The following PIK3C2A variants were observed in gnomAD, a reference collection of about 807,000 sequenced individuals.
The protein encoded by PIK3C2A is phosphatidylinositol-4-phosphate 3-kinase catalytic subunit type 2 alpha.
Under a neutral mutation model 204.5 loss-of-function variants are expected in PIK3C2A, and 97 were observed. The ratio of observed to expected loss-of-function variants is 0.47; its 90% CI spans 0.40 to 0.56. PIK3C2A has a LOEUF of 0.56. PIK3C2A is among the 20% of genes least tolerant of loss of function. The pLI is 0.00. For synonymous variants in PIK3C2A, 653 were observed against 664.4 expected, an observed-to-expected ratio of 0.98 and a Z score of 0.26; for missense variants, 1,735 against 1,969.2, an observed-to-expected ratio of 0.88 and a Z score of 2.25.
intron 2 of PIK3C2A, among the ~76,000 whole-genome samples, chr11:17,161,617 C>CA (rs1371718801): frequency 1.3e-5 from 2 of 151,818 alleles, no homozygotes; most frequent in Admixed American, 6.6e-5. Context: ...GTTTTGGTCA[C>CA]AAAAAATTGG....
intron 9 of PIK3C2A, among the ~76,000 whole-genome samples, chr11:17,135,536 C>G (rs1471020998): frequency 6.6e-6 from 1 of 151,978 alleles, no homozygotes; most frequent in Non-Finnish European, 1.5e-5. Flanking sequence ...GTTGGTGACT[C>G]AAAAAAGTGC....
At chr11:17,177,606 TA>T (rs1194337556) in intron 1 of PIK3C2A, among the ~76,000 whole-genome samples, 2 of 152,122 alleles carry the variant, frequency 1.3e-5, no homozygotes, top group Admixed American at 1.3e-4. Context: ...CCATCTCTGT[TA>T]AAAGGAAAAA....
intron 12 of PIK3C2A, among the ~76,000 whole-genome samples, chr11:17,131,623 G>T (rs1038998983): frequency 2.0e-5 from 3 of 151,888 alleles, no homozygotes; most frequent in East Asian, 1.9e-4. Context: ...GGGTTTCACC[G>T]TGTTAACCAG....
intron 19 of PIK3C2A, among the ~76,000 whole-genome samples, chr11:17,116,609 A>G (rs1410768893): frequency 6.7e-6 from 1 of 149,708 alleles, no homozygotes; most frequent in Non-Finnish European, 1.5e-5. Flanking sequence ...TTTTTTTTTG[A>G]GACAGAGTCT....
intron 1 of PIK3C2A, among the ~76,000 whole-genome samples, chr11:17,197,542 CATG>C (rs1255255333): frequency 2.0e-5 from 3 of 152,088 alleles, no homozygotes; most frequent in African/African-American, 7.2e-5. Context: ...GGTATCTAAC[CATG>C]ATAATTTTCT....
At chr11:17,170,749 CTAATCAATA>C (rs1267132765) in intron 1 of PIK3C2A, among the ~76,000 whole-genome samples, 1 of 152,110 alleles carries the variant, frequency 6.6e-6, no homozygotes, top group Non-Finnish European at 1.5e-5. Context: ...TTTCCTGCTT[CTAATCAATA>C]TGATAAAAGG....
chr11:17,120,849 A>G (rs1849346095), intron 15 of PIK3C2A, among the ~76,000 whole-genome samples: 1 of 152,038 alleles, frequency 6.6e-6, no homozygotes, highest in African/African-American at 2.4e-5. Flanking sequence ...TCGCTCTGTC[A>G]CCCAGGCTGG....
chr11:17,133,526 T>C (rs1590945636), intron 11 of PIK3C2A, among the ~76,000 whole-genome samples: 1 of 152,124 alleles, frequency 6.6e-6, no homozygotes, highest in East Asian at 1.9e-4. Flanking sequence ...AAGCAAAACT[T>C]AGGTTTGATA....
chr11:17,159,186 T>C (rs1850699375), intron 2 of PIK3C2A, among the ~76,000 whole-genome samples: 1 of 152,252 alleles, frequency 6.6e-6, no homozygotes, highest in African/African-American at 2.4e-5. Flanking sequence ...CACTCAAGAC[T>C]TTCTATTTTG....
intron 8 of PIK3C2A, chr11:17,138,073 C>A: frequency 1.5e-6 from 1 of 685,624 alleles, no homozygotes; most frequent in Non-Finnish European, 2.7e-6. Flanking sequence ...GTCACTAACA[C>A]ATTTAGCACA....
chr11:17,147,521 C>T lies in PIK3C2A; in HGVS notation c.1556G>A (p.Arg519Gln), dbSNP rs760823679. ...TFSAMCQNLARTAEDDETPVD... is the reference protein window; with the variant it reads ...TFSAMCQNLAQTAEDDETPVD... ...AGTTATGAGGTACACACTTACTGTT[C>T]GGGCCAGATTTTGACACATTGCACT... is the stretch of plus-strand genomic sequence containing the variant. Residue 519 changes from arginine to glutamine, a missense_variant, in exon 6 of 33, where the codon CGA (arginine) becomes CAA (glutamine). Physicochemically the swap from Arg to Gln is conservative, Grantham distance 43 (BLOSUM62 1). Around this residue, in one of 6 missense-constraint regions of PIK3C2A, gnomAD observed 106 missense variants for 108.2 expected, o/e 0.98. Transcript: ENST00000691414. The T allele has an allele frequency of 6.4e-6, 10 of 1,567,730 alleles. No homozygotes were observed. The highest frequency in any genetic ancestry group is 2.7e-5 in the African/African-American group (2 of 74,034).
intron 1 of PIK3C2A, among the ~76,000 whole-genome samples, chr11:17,177,191 A>G (rs1851366841): frequency 6.6e-6 from 1 of 152,158 alleles, no homozygotes; most frequent in Non-Finnish European, 1.5e-5. Flanking sequence ...TCATAAGGTT[A>G]TTTTATTTTA....
chr11:17,099,918 C>G lies in PIK3C2A; in HGVS notation c.4060G>C (p.Val1354Leu). The G allele has an allele frequency of 3.8e-6, 6 of 1,599,794 alleles. No individual in the cohort carries two copies. Among genetic ancestry groups the G allele is most frequent in the Non-Finnish European group, 5.1e-6 (6 of 1,167,354 alleles). The change falls in exon 26 of 33, where the codon GTT becomes CTT. Residue 1354 changes from valine to leucine, a missense_variant. By Grantham distance (32) the Val-to-Leu change is conservative (BLOSUM62 1). Around this residue, in one of 6 missense-constraint regions of PIK3C2A, gnomAD observed 503 missense variants for 669.0 expected, o/e 0.75. Coordinates refer to ENST00000691414, the MANE Select transcript of PIK3C2A (RefSeq NM_002645.4). Reference protein sequence around the residue: ...ELTSIQDLKYVRDALQPQTTD... With the variant: ...ELTSIQDLKYLRDALQPQTTD... ...GTTTGGGGTTGAAGTGCATCTCTAA[C>G]GTATTTCAAATCTTGAATACTTGTA...
chr11:17,138,342 A>G (rs1264134576), intron 8 of PIK3C2A: 1 of 426,864 alleles, frequency 2.3e-6, no homozygotes, highest in Non-Finnish European at 4.3e-6. Context: ...TTTTTTTTTT[A>G]ATTCAGTGTG....
chr11:17,134,348 G>A (rs889526473), intron 11 of PIK3C2A, among the ~76,000 whole-genome samples: 1 of 151,768 alleles, frequency 6.6e-6, no homozygotes, highest in Admixed American at 6.6e-5. Context: ...GGGACTACAG[G>A]TGCACACCAC....
intron 22 of PIK3C2A, among the ~76,000 whole-genome samples, chr11:17,109,779 T>C (rs1162769170): frequency 6.6e-6 from 1 of 152,046 alleles, no homozygotes; most frequent in African/African-American, 2.4e-5. Context: ...CAAGTGATCC[T>C]CCTGCCTTGG....
intron 11 of PIK3C2A, among the ~76,000 whole-genome samples, chr11:17,132,631 T>A (rs1391147736): frequency 7.0e-6 from 1 of 142,956 alleles, no homozygotes; most frequent in Non-Finnish European, 1.5e-5. Context: ...GCCCGGCCAA[T>A]TTACTTTAAT....
chr11:17,196,545 A>AC (rs1231740475), intron 1 of PIK3C2A, among the ~76,000 whole-genome samples: 1 of 152,086 alleles, frequency 6.6e-6, no homozygotes, highest in Non-Finnish European at 1.5e-5. Flanking sequence ...TGTGAGAGAG[A>AC]ATGATTTAGT....
intron 22 of PIK3C2A, among the ~76,000 whole-genome samples, chr11:17,108,335 G>A (rs779339747): frequency 1.3e-5 from 2 of 152,188 alleles, no homozygotes; most frequent in Non-Finnish European, 1.5e-5. Context: ...TGGACACAGC[G>A]GTGCATGCCT....
Sources: gnomAD v4.1 joint callset for allele counts (sites outside exome capture counted in the v4.1 genomes callset) on GRCh38, gnomAD v4.1.1 for gene constraint, gnomAD v4.1.1 regional missense constraint, MANE v1.5 for transcripts, NCBI Gene and HGNC (gene_info 2026-07-23, HGNC 2026-07-21) for gene names.